Variants in TRIM37 observed in about 807,000 individuals in gnomAD.
TRIM37 encodes tripartite motif containing 37, also known as E3 ubiquitin-protein ligase TRIM37.
TRIM37 carries 80 observed loss-of-function variants against 129.8 expected under a neutral mutation model. The ratio of observed to expected loss-of-function variants is 0.62; its 90% CI spans 0.51 to 0.74. The LOEUF is 0.74. TRIM37 is among the 30% of genes least tolerant of loss of function. The pLI is 0.00. For synonymous variants in TRIM37, 389 were observed against 387.1 expected (o/e 1.00, Z -0.06); for missense variants, 1,054 against 1,176.5 (o/e 0.90, Z 1.52).
At chr17:59,068,897 A>T (rs2042136624) in intron 9 of TRIM37, among the ~76,000 whole-genome samples, 1 of 152,138 alleles carries the variant, frequency 6.6e-6, no homozygotes, top group Admixed American at 6.6e-5. Context: ...TATTTTTGTC[A>T]CAACTGCAAG....
rs1322462207 is a variant in TRIM37 at position 59,057,021 on chromosome 17, G to C, written c.1053C>G (p.Ser351=). ...YEYRVEMVHQ[S]CNDPTKNIIR... The stretch of plus-strand genomic sequence containing the variant: ...TGATATTTTTTGTAGGATCATTACA[G>C]GACTGGTGAACCATCTCTACACGAT... Residue 351 remains serine (S), a synonymous_variant, in exon 13 of 24, where the codon TCC becomes TCG. Transcript: ENST00000262294. The C allele has an allele frequency of 2.5e-6, 4 of 1,613,602 alleles. No individual in the cohort carries two copies. In the South Asian group the frequency reaches 4.4e-5, roughly 18 times the overall value.
intron 21 of TRIM37, among the ~76,000 whole-genome samples, chr17:59,015,003 GGAGGCGGAGCGT>G (rs1020824551): frequency 6.6e-6 from 1 of 151,196 alleles, no homozygotes; most frequent in African/African-American, 2.4e-5. Context: ...CATGAACCTG[GGAGGCGGAGCGT>G]GCAGTGAGCT....
At chr17:59,024,397 T>C (rs939140937) in intron 19 of TRIM37, among the ~76,000 whole-genome samples, 2 of 152,192 alleles carry the variant, frequency 1.3e-5, no homozygotes, top group South Asian at 2.1e-4. Context: ...AAGACATATA[T>C]AGAACTTATA....
chr17:59,088,234 T>C (rs988062090), intron 4 of TRIM37, 57 bp downstream of exon 4: 2 of 1,115,750 alleles, frequency 1.8e-6, no homozygotes. Flanking sequence ...TATAGTGTCA[T>C]TAAACAATAC....
At chr17:59,048,991 CT>C (rs2040085760) in intron 15 of TRIM37, among the ~76,000 whole-genome samples, 186 bp downstream of exon 15, 1 of 152,116 alleles carries the variant, frequency 6.6e-6, no homozygotes, top group Non-Finnish European at 1.5e-5. Flanking sequence ...TTTTCACAAC[CT>C]TGAAATGCTT....
rs2033479516 is a variant in TRIM37 at position 58,999,993 on chromosome 17, C to T, written c.2813-534G>A. 2.0e-5 allele frequency among the ~76,000 whole-genome samples: 3 copies of T among 152,066 alleles called. 1 individual carries two copies. In the South Asian group the frequency reaches 6.2e-4, roughly 31 times the overall value. On this transcript the variant is annotated intron_variant, in intron 23 of 23. Transcript: ENST00000262294. ...TGTATTGAAAAAGATACCAGAGCAC[C>T]AGGAAAATATGCAAAATATAAAGCA...
chr17:59,066,964 T>C lies in TRIM37; in HGVS notation c.810-2559A>G, dbSNP rs552299686. Among the ~76,000 whole-genome samples the C allele has an allele frequency of 1.4e-4, 22 of 152,270 alleles. No individual in the cohort carries two copies. In the South Asian group the frequency reaches 4.6e-3, roughly 32 times the overall value. ...AATACTTGCTGGCAGATTCGTAGAG[T>C]TGGAAATATTTGCTCAAAAATTTCT... On this transcript the variant is annotated intron_variant, in intron 9 of 23. Transcript: ENST00000262294.
intron 12 of TRIM37, among the ~76,000 whole-genome samples, chr17:59,057,734 G>A (rs1212888454): frequency 6.6e-6 from 1 of 152,104 alleles, no homozygotes; most frequent in East Asian, 1.9e-4. Context: ...ATGTTGGACA[G>A]GCTAGTATCA....
In TRIM37 at chr17:59,101,683, T is replaced by A. The variant is rs1334138142; in HGVS notation, c.123+2610A>T. Among the ~76,000 whole-genome samples the A allele has an allele frequency of 5.5e-3, 580 of 105,988 alleles. 1 individual carries two copies. Among genetic ancestry groups the A allele is most frequent in the Middle Eastern group, 0.012 (2 of 164 alleles). 69.5% of individuals were successfully genotyped at this position (105,988 alleles called of 152,430 possible). On this transcript the variant is annotated intron_variant, in intron 2 of 23. Transcript: ENST00000262294. The stretch of plus-strand genomic sequence containing the variant: ...AAAAAAAAAAAAAAAAAAAAATATA[T>A]ATATATATATATACACACACACACA...
intron 2 of TRIM37, 145 bp from the exon 3 acceptor site, chr17:59,091,485 T>A (rs1372774205): frequency 6.8e-6 from 1 of 147,510 alleles, no homozygotes; most frequent in Non-Finnish European, 1.4e-5. Context: ...ATATATAATA[T>A]ATAATATATT....
At chr17:58,977,020 T>G in the TRIM37 span, among the ~76,000 whole-genome samples, 1 of 152,142 alleles carries the variant, frequency 6.6e-6, no homozygotes, top group Non-Finnish European at 1.5e-5. Flanking sequence ...TCTTTTAAAT[T>G]TTTGCATTTT....
intron 24 of TRIM37, chr17:58,984,965 T>TCTC (rs1231194460): frequency 6.5e-6 from 1 of 152,684 alleles, no homozygotes; most frequent in Admixed American, 6.5e-5. Context: ...TCATAACATT[T>TCTC]CTCTGCAAAG....
At chr17:58,994,074 G>A (rs1378531125), downstream of TRIM37, among the ~76,000 whole-genome samples, 2 of 152,156 alleles carry the variant, frequency 1.3e-5, no homozygotes, top group Admixed American at 6.5e-5. Context: ...GTATATTAGG[G>A]TTGAACAAGT....
Position 59,052,604 on chromosome 17 carries a change from T to G in TRIM37, c.1200-1276A>C, listed in dbSNP as rs1267407551. Among the ~76,000 whole-genome samples the G allele has an allele frequency of 5.3e-5, 8 of 152,274 alleles. No individual in the cohort carries two copies. The East Asian group carries it at 1.4e-3, about 26-fold the overall frequency. ...ATAGTCTTTATAGGTCAGAAGTTTTTGGGCATCATTATATGTTATAACTGG... is the reference window on the plus strand; with the variant it reads ...ATAGTCTTTATAGGTCAGAAGTTTTGGGGCATCATTATATGTTATAACTGG... On this transcript the variant is annotated intron_variant, in intron 13 of 23. Transcript: ENST00000262294.
At chr17:59,052,655 T>TA (rs930458339) in intron 13 of TRIM37, among the ~76,000 whole-genome samples, 17 of 151,526 alleles carry the variant, frequency 1.1e-4, no homozygotes, top group Admixed American at 1.3e-4. Flanking sequence ...ACTTGAGTAT[T>TA]AAAAAAAGAG....
Position 59,056,918 on chromosome 17 carries a change from T to C in TRIM37, c.1156A>G (p.Asn386Asp). 1 of 1,613,816 alleles carries C rather than the reference T, an allele frequency of 6.2e-7. No individual in the cohort carries two copies. Among genetic ancestry groups the C allele is most frequent in the Non-Finnish European group, 8.5e-7 (1 of 1,179,908 alleles). Reference protein sequence around the residue: ...NRFFRLDLLANEGYLNPQNDT... With the variant: ...NRFFRLDLLADEGYLNPQNDT... ...TTTTGTGGATTCAAGTATCCTTCAT[T>C]TGCGAGTAAGTCCAAACGGAAAAAT... Residue 386 changes from asparagine to aspartate, a missense_variant, in exon 13 of 24, where the codon AAT (asparagine) becomes GAT (aspartate). Asn to Asp is a conservative substitution (Grantham distance 23). Around this residue, in one of 3 missense-constraint regions of TRIM37, gnomAD observed 752 missense variants for 870.8 expected, o/e 0.86. Transcript: ENST00000262294.
downstream of TRIM37, chr17:58,980,693 A>T (rs1272516188): frequency 6.2e-7 from 1 of 1,614,184 alleles, no homozygotes; most frequent in South Asian, 1.1e-5. The surrounding 1 kb of genome is among the most constrained non-coding windows in gnomAD (Gnocchi z 4.7). Flanking sequence ...CAGAATGCAG[A>T]GCTTGTCTCC....
chr17:59,044,063 G>T, intron 16 of TRIM37, among the ~76,000 whole-genome samples: 1 of 152,188 alleles, frequency 6.6e-6, no homozygotes, highest in East Asian at 1.9e-4. Flanking sequence ...GGGAAGCCGA[G>T]GCTGGAGGGA....
downstream of TRIM37, chr17:58,981,708 A>G (rs142423992): frequency 0.012 from 1,810 of 152,538 alleles, 18 homozygotes; most frequent in Middle Eastern, 0.041. Context: ...AATATTTCCT[A>G]GGGCTGTAGT....
Sources: gnomAD v4.1 joint callset for allele counts (sites outside exome capture counted in the v4.1 genomes callset) on GRCh38, gnomAD v4.1.1 for gene constraint, gnomAD v4.1.1 regional missense constraint, Gnocchi (gnomAD v3.1) non-coding constraint, MANE v1.5 for transcripts, NCBI Gene and HGNC (gene_info 2026-07-23, HGNC 2026-07-21) for gene names.